The following RGL3 variants were observed in gnomAD, a reference collection of about 807,000 sequenced individuals.
The protein encoded by RGL3 is ral guanine nucleotide dissociation stimulator like 3.
A neutral mutation model predicts 90.6 loss-of-function variants in RGL3; 85 were observed. That is an observed-to-expected ratio of 0.94 (90% confidence interval 0.79 to 1.12). The LOEUF (loss-of-function observed/expected upper bound fraction) is 1.12. RGL3 is among the 50% of genes most tolerant of loss of function. The pLI, the probability that RGL3 is intolerant of heterozygous loss-of-function variation, is 0.00. For missense variants in RGL3, 1,034 were observed against 939.2 expected (o/e 1.10, Z -1.32); for synonymous variants, 408 against 385.5 (o/e 1.06, Z -0.68).
Position 11,405,388 on chromosome 19 carries a change from G to A in RGL3, c.1035C>T (p.Ala345=), listed in dbSNP as rs376524609. Residue 345 remains alanine (A), a synonymous_variant, in exon 8 of 19, where the codon GCC becomes GCT. Transcript: ENST00000380456. ...RELRNFSSLR[A]ILSALQSNPI... ...GGTTAGATTGCAGGGCGGACAGGAT[G>A]GCGCGCAAGGAGGAGAAGTTCCGCA... 8.1e-6 allele frequency: 13 copies of A among 1,607,108 alleles called. No homozygotes were observed. Among genetic ancestry groups the A allele is most frequent in the Non-Finnish European group, 1.0e-5 (12 of 1,177,070 alleles).
rs773425612 is a variant in RGL3, at chr19:11,400,206, T to C, written c.1576A>G (p.Ser526Gly). ...RRRISLTKRL[S>G]AKLAREKSSS... ...TACACACACCCCGAGACTCACGCACTGAGACGCTTGGTGAGGCTGATCCGC... is the reference window on the plus strand; with the variant it reads ...TACACACACCCCGAGACTCACGCACCGAGACGCTTGGTGAGGCTGATCCGC... Residue 526 changes from serine to glycine, a missense_variant, in exon 14 of 19, where the codon AGT becomes GGT. Ser to Gly is a moderately conservative substitution (Grantham distance 56). Coordinates refer to ENST00000380456, the MANE Select transcript of RGL3 (RefSeq NM_001035223.4). The C allele has an allele frequency of 6.3e-7, 1 of 1,584,506 alleles. No homozygotes were observed. Among genetic ancestry groups the C allele is most frequent in the Non-Finnish European group, 8.6e-7 (1 of 1,164,228 alleles).
intron 7 of RGL3, 41 bp from the exon 8 acceptor site, chr19:11,405,467 CCACCT>C: frequency 1.4e-6 from 1 of 713,976 alleles, no homozygotes; most frequent in Non-Finnish European, 2.2e-6. Flanking sequence ...CAGGCATTAT[CCACCT>C]TTCATCCTGA....
chr19:11,414,505 A>ATATATATACC (rs1555720249), intron 5 of RGL3, among the ~76,000 whole-genome samples: 1 of 98,194 alleles, frequency 1.0e-5, no homozygotes, highest in African/African-American at 4.2e-5. Flanking sequence ...ATATATATAT[A>ATATATATACC]TATATATATA....
Position 11,400,256 on chromosome 19 carries a change from C to G in RGL3, c.1526G>C (p.Cys509Ser), listed in dbSNP as rs1273017069. ...CCGTCGGATGCGTGGGGAGCTGGGG[C>G]AGGAGGCAGCTGGTGGCTCAATGAC... is the stretch of plus-strand genomic sequence containing the variant. ...SRVIEPPAAS[C>S]PSSPRIRRRI... Residue 509 changes from cysteine to serine, a missense_variant, in exon 14 of 19, where the codon TGC becomes TCC. By Grantham distance (112) the Cys-to-Ser change is moderately radical (BLOSUM62 -1). Coordinates refer to ENST00000380456, the MANE Select transcript of RGL3 (RefSeq NM_001035223.4). 4 of 1,599,332 alleles carry G rather than the reference C, an allele frequency of 2.5e-6. No homozygotes were observed. In the African/African-American group the frequency reaches 5.4e-5, roughly 21 times the overall value.
At chr19:11,418,472 G>T in intron 2 of RGL3, 199 bp downstream of exon 2, 2 of 584,302 alleles carry the variant, frequency 3.4e-6, no homozygotes, top group Non-Finnish European at 6.1e-6. Context: ...CCATCGCCTG[G>T]CCCCACCCCA....
rs1282281059 is a variant in RGL3 at position 11,399,567 on chromosome 19, G to A, written c.1746+288C>T. Among the ~76,000 whole-genome samples, 5 of 152,132 alleles carry A rather than the reference G, an allele frequency of 3.3e-5. No homozygotes were observed. The East Asian group carries it at 7.7e-4, about 24-fold the overall frequency. On this transcript the variant is annotated intron_variant, in intron 16 of 18. Transcript: ENST00000380456. ...CTGGGTGACAGAGCAAGAAGACCCT[G>A]TTTCAAATAAAAAGGGGTGTGATGT...
In RGL3 at chr19:11,405,392, C is replaced by T. The variant is rs746109391; in HGVS notation, c.1031G>A (p.Arg344His). The T allele has an allele frequency of 4.4e-6, 7 of 1,595,200 alleles. No homozygotes were observed. The South Asian group carries it at 7.8e-5, about 18-fold the overall frequency. ...AGATTGCAGGGCGGACAGGATGGCG[C>T]GCAAGGAGGAGAAGTTCCGCAGTTC... is the stretch of plus-strand genomic sequence containing the variant. ...CRELRNFSSL[R>H]AILSALQSNP... is the part of the protein sequence containing the mutation. The change falls in exon 8 of 19, where the codon CGC (arginine) becomes CAC (histidine). Residue 344 changes from arginine to histidine, a missense_variant. Arg to His is a conservative substitution (Grantham distance 29, BLOSUM62 0). Coordinates refer to ENST00000380456, the MANE Select transcript of RGL3 (RefSeq NM_001035223.4).
intron 5 of RGL3, among the ~76,000 whole-genome samples, chr19:11,407,901 G>GTC (rs1968810232): frequency 6.6e-6 from 1 of 151,962 alleles, no homozygotes; most frequent in Non-Finnish European, 1.5e-5. Context: ...GGCCAGGCTG[G>GTC]TCTTGAACTC....
rs375514858 is a variant in RGL3, at chr19:11,416,964, C to G, written c.243G>C (p.Leu81Phe). ...GGTCCTGCTCACGGTCTCCAAACAC[C>G]AACTCTCCCACCAGCCGCTCCAGGC... ...AARLERLVGE[L>F]VFGDREQDPS... Residue 81 changes from leucine (L) to phenylalanine (F), a missense_variant, in exon 3 of 19, where the codon TTG (leucine) becomes TTC (phenylalanine). Transcript: ENST00000380456. 101 of 1,613,904 alleles carry G rather than the reference C, an allele frequency of 6.3e-5. No individual in the cohort carries two copies. The highest frequency in any genetic ancestry group is 8.2e-5 in the Non-Finnish European group (97 of 1,180,012).
At chr19:11,416,575 T>C (rs1355859334) in intron 4 of RGL3, 39 bp downstream of exon 4, 4 of 1,600,476 alleles carry the variant, frequency 2.5e-6, no homozygotes, top group Non-Finnish European at 3.4e-6. Context: ...CCTCTTGGAT[T>C]TCCCTCCCCG....
chr19:11,405,390 C>A lies in RGL3; in HGVS notation c.1033G>T (p.Ala345Ser). Residue 345 changes from alanine (A) to serine (S), a missense_variant, in exon 8 of 19, where the codon GCC becomes TCC. Ala to Ser is a moderately conservative substitution (Grantham distance 99). Coordinates refer to ENST00000380456, the MANE Select transcript of RGL3 (RefSeq NM_001035223.4). ...TTAGATTGCAGGGCGGACAGGATGG[C>A]GCGCAAGGAGGAGAAGTTCCGCAGT... is the stretch of plus-strand genomic sequence containing the variant. ...RELRNFSSLR[A>S]ILSALQSNPI... The A allele has an allele frequency of 1.9e-6, 3 of 1,589,178 alleles. No homozygotes were observed. The highest frequency in any genetic ancestry group is 2.6e-6 in the Non-Finnish European group (3 of 1,167,214).
intron 7 of RGL3, among the ~76,000 whole-genome samples, chr19:11,406,125 T>C (rs545260793): frequency 6.6e-6 from 1 of 151,858 alleles, no homozygotes; most frequent in African/African-American, 2.4e-5. Flanking sequence ...CCTTCCTCCC[T>C]CCTCCCTCGG....
chr19:11,416,803 T>C, intron 3 of RGL3, 33 bp downstream of exon 3: 2 of 1,610,102 alleles, frequency 1.2e-6, no homozygotes, highest in Non-Finnish European at 1.7e-6. Flanking sequence ...GGTTCTAGGG[T>C]GGAGAATACG....
chr19:11,405,033 G>C, intron 9 of RGL3, 114 bp downstream of exon 9: 1 of 862,966 alleles, frequency 1.2e-6, no homozygotes, highest in Non-Finnish European at 2.0e-6. Flanking sequence ...ATTGCTGAGC[G>C]GTAGGGAAGG....
rs774162262 is a variant in RGL3, at chr19:11,418,663, C to T, written c.147+8G>A. 6 of 1,540,518 alleles carry T rather than the reference C, an allele frequency of 3.9e-6. No homozygotes were observed. The African/African-American group carries it at 4.1e-5, about 11-fold the overall frequency. On this transcript the variant is annotated splice_region_variant and intron_variant, in intron 2 of 18. Transcript: ENST00000380456. ...GGCCCCGCGCCACCCACCAAACCCC[C>T]TCCTCACCTGGCTGCCCCCGGGGCC...
rs769487274 is a variant in RGL3 at position 11,416,687 on chromosome 19, C to A, written c.372-20G>T. 6.2e-7 allele frequency: 1 copy of A among 1,613,658 alleles called. No individual in the cohort carries two copies. Among genetic ancestry groups the A allele is most frequent in the Non-Finnish European group, 8.5e-7 (1 of 1,179,594 alleles). On this transcript the variant is annotated intron_variant, in intron 3 of 18. Transcript: ENST00000380456. ...TCTACCCTGGGAAGAGGCCCCCCAGCAGGTGAAGAAGGGGGAACCTAGAGG... is the reference window on the plus strand; with the variant it reads ...TCTACCCTGGGAAGAGGCCCCCCAGAAGGTGAAGAAGGGGGAACCTAGAGG...
intron 2 of RGL3, among the ~76,000 whole-genome samples, chr19:11,418,237 C>A (rs1401297804): frequency 1.6e-5 from 2 of 124,162 alleles, no homozygotes; most frequent in African/African-American, 6.0e-5. Flanking sequence ...CCCGTCCCCT[C>A]CCCCCACCCC....
rs1968997575 is a variant in RGL3, at chr19:11,416,355, T to G, written c.426-207A>C. On this transcript the variant is annotated intron_variant, in intron 4 of 18. Coordinates refer to ENST00000380456, the MANE Select transcript of RGL3 (RefSeq NM_001035223.4). ...GCATGCGCCACCACACCCAGCTACC[T>G]TTTTTTGTTGTTGTTGTATTTTTAG... 9.8e-6 allele frequency: 6 copies of G among 613,902 alleles called. No individual in the cohort carries two copies. The South Asian group carries it at 1.3e-4, about 13-fold the overall frequency. 38.0% of individuals were successfully genotyped at this position (613,902 alleles called of 1,614,324 possible). A position where few individuals can be genotyped will look rare whatever the true frequency, so the allele number is the denominator to read the frequency against.
chr19:11,412,169 A>G (rs1420267312), intron 5 of RGL3, among the ~76,000 whole-genome samples: 2 of 150,878 alleles, frequency 1.3e-5, no homozygotes, highest in Non-Finnish European at 3.0e-5. Flanking sequence ...AATCCCAGCT[A>G]CTCGGGAGGC....
Sources: allele counts gnomAD v4.1 joint callset (sites outside exome capture counted in the v4.1 genomes callset), GRCh38; gene constraint gnomAD v4.1.1; transcripts MANE v1.5; gene names NCBI Gene and HGNC (gene_info 2026-07-23, HGNC 2026-07-21).